Variants in SLC24A4 observed in about 807,000 individuals in gnomAD.
SLC24A4 encodes sodium/potassium/calcium exchanger 4.
Under a neutral mutation model 79.0 loss-of-function variants are expected in SLC24A4, and 53 were observed. The ratio of observed to expected loss-of-function variants is 0.67; its 90% CI spans 0.54 to 0.84. The LOEUF (loss-of-function observed/expected upper bound fraction) is 0.84, where lower values mean the gene tolerates loss of function less well. SLC24A4 is among the 40% of genes least tolerant of loss of function. SLC24A4 has a pLI of 0.00. For missense variants in SLC24A4, 731 were observed against 822.0 expected (o/e 0.89, Z 1.35); for synonymous variants, 323 against 323.8 (o/e 1.00, Z 0.03).
At chr14:92,455,804 G>A (rs995263003) in intron 11 of SLC24A4, among the ~76,000 whole-genome samples, 4 of 151,942 alleles carry the variant, frequency 2.6e-5, no homozygotes, top group African/African-American at 9.7e-5. Context: ...GGGTTCAAGC[G>A]ATTCTCCTGC....
chr14:92,443,294 G>A (rs998951024), intron 6 of SLC24A4, 106 bp from the exon 7 acceptor site: 4 of 1,002,554 alleles, frequency 4.0e-6, no homozygotes, highest in Non-Finnish European at 4.7e-6. Flanking sequence ...TTAGGAGGTG[G>A]AGCTCTGTGG....
intron 2 of SLC24A4, among the ~76,000 whole-genome samples, chr14:92,401,045 C>T (rs1437394088): frequency 1.3e-5 from 2 of 152,132 alleles, no homozygotes; most frequent in East Asian, 1.9e-4. Flanking sequence ...GGAATACACA[C>T]AAGGCACCCA....
intron 12 of SLC24A4, among the ~76,000 whole-genome samples, chr14:92,473,551 C>T (rs538634575): frequency 1.4e-4 from 21 of 152,276 alleles, no homozygotes; most frequent in Non-Finnish European, 2.6e-4. Context: ...TTACAAGTAT[C>T]AAAACTAGCT....
intron 14 of SLC24A4, among the ~76,000 whole-genome samples, chr14:92,488,915 A>C (rs1180989313): frequency 6.6e-6 from 1 of 152,162 alleles, no homozygotes; most frequent in Non-Finnish European, 1.5e-5. Flanking sequence ...AGGATGCTGG[A>C]AGTTTAAGGG....
chr14:92,487,338 G>A (rs1895422958), intron 14 of SLC24A4, among the ~76,000 whole-genome samples: 1 of 152,196 alleles, frequency 6.6e-6, no homozygotes, highest in Admixed American at 6.5e-5. Context: ...TTTTCTGCTA[G>A]CCAGGTAGCA....
At chr14:92,387,831 G>A (rs1213026732) in intron 2 of SLC24A4, among the ~76,000 whole-genome samples, 2 of 152,228 alleles carry the variant, frequency 1.3e-5, no homozygotes, top group East Asian at 1.9e-4. Context: ...TGTGACCAGC[G>A]TATTTCACTT....
intron 2 of SLC24A4, among the ~76,000 whole-genome samples, chr14:92,371,282 C>T (rs1888137259): frequency 1.3e-5 from 2 of 152,208 alleles, no homozygotes; most frequent in South Asian, 4.1e-4. Flanking sequence ...AAACACATCC[C>T]TTTCCTTTTA....
chr14:92,473,678 G>A (rs2139897307), intron 12 of SLC24A4, among the ~76,000 whole-genome samples: 1 of 152,244 alleles, frequency 6.6e-6, no homozygotes. Flanking sequence ...AACATGATCG[G>A]GCAGCCCCTA....
chr14:92,354,057 CCTGGAGCCAGGT>C (rs1224325915), intron 2 of SLC24A4, among the ~76,000 whole-genome samples: 3 of 152,226 alleles, frequency 2.0e-5, no homozygotes, highest in Non-Finnish European at 2.9e-5. Context: ...CCGGTGGAAA[CCTGGAGCCAGGT>C]CTGGGCCCTT....
intron 13 of SLC24A4, among the ~76,000 whole-genome samples, chr14:92,483,339 C>G (rs1436091691): frequency 2.0e-5 from 3 of 152,164 alleles, no homozygotes; most frequent in African/African-American, 7.2e-5. Flanking sequence ...TCATAACAGC[C>G]CCATGGGATG....
rs185519337 is a variant in SLC24A4, at chr14:92,432,830, G to T, written c.242-1082G>T. ...GAAAGCATCATTTTCAGAGCTTAGGGCCCAATTATATTTGCAGAGAAGGGA... is the reference window on the plus strand; with the variant it reads ...GAAAGCATCATTTTCAGAGCTTAGGTCCCAATTATATTTGCAGAGAAGGGA... On this transcript the variant is annotated intron_variant, in intron 2 of 16. Coordinates refer to ENST00000532405, the MANE Select transcript of SLC24A4 (RefSeq NM_153646.4). 2.1e-3 allele frequency among the ~76,000 whole-genome samples: 320 copies of T among 152,188 alleles called. 7 individuals are homozygous for T. The East Asian group carries it at 0.037, about 17-fold the overall frequency.
chr14:92,402,025 G>A (rs1008127943), intron 2 of SLC24A4, among the ~76,000 whole-genome samples: 5 of 152,078 alleles, frequency 3.3e-5, no homozygotes. Flanking sequence ...CTCGATGATG[G>A]GCTCATAAAA....
chr14:92,419,413 G>A (rs1234568424), intron 2 of SLC24A4, among the ~76,000 whole-genome samples: 1 of 152,156 alleles, frequency 6.6e-6, no homozygotes, highest in Non-Finnish European at 1.5e-5. Context: ...CTACCTTCCC[G>A]CAGATGTTCT....
At chr14:92,487,979 C>T (rs113190696) in intron 14 of SLC24A4, among the ~76,000 whole-genome samples, 2,161 of 144,398 alleles carry the variant, frequency 0.015, 44 homozygotes, top group African/African-American at 0.053. Context: ...TCCTCCTGCT[C>T]CTCCTCCTCC....
chr14:92,416,574 C>T (rs1478813448), intron 2 of SLC24A4, among the ~76,000 whole-genome samples: 3 of 152,102 alleles, frequency 2.0e-5, no homozygotes, highest in Non-Finnish European at 4.4e-5. Context: ...CAAAGAGATG[C>T]CTAAGGAAGG....
At chr14:92,330,112 TG>T (rs1411203003) in intron 2 of SLC24A4, among the ~76,000 whole-genome samples, 1 of 151,152 alleles carries the variant, frequency 6.6e-6, no homozygotes, top group Non-Finnish European at 1.5e-5. Context: ...GTGCTCAGCC[TG>T]GGAGCATCAC....
At chr14:92,325,311 A>G (rs1035916822) in intron 1 of SLC24A4, among the ~76,000 whole-genome samples, 3 of 152,212 alleles carry the variant, frequency 2.0e-5, no homozygotes, top group African/African-American at 7.2e-5. Flanking sequence ...CTTGCCCAGT[A>G]TGGCCCCTGG....
rs1428876553 is a variant in SLC24A4, at chr14:92,398,292, G to C, written c.242-35620G>C. On this transcript the variant is annotated intron_variant, in intron 2 of 16. Transcript: ENST00000532405. The surrounding 1 kb of genome is among the most constrained non-coding windows in gnomAD (Gnocchi z 4.1). ...TGCCCTTATCTTCGGAGCAGTAGAG[G>C]TCACCGAGGGCTTCTGAGGGATGGC... Among the ~76,000 whole-genome samples the C allele has an allele frequency of 6.6e-6, 1 of 152,176 alleles. No homozygotes were observed. Among genetic ancestry groups the C allele is most frequent in the African/African-American group, 2.4e-5 (1 of 41,430 alleles).
chr14:92,336,112 C>G (rs1001405733), intron 2 of SLC24A4, among the ~76,000 whole-genome samples: 5 of 152,170 alleles, frequency 3.3e-5, no homozygotes, highest in Admixed American at 6.5e-5. Context: ...GCGTGGCCTA[C>G]CACAATCCAG....
Sources: allele counts gnomAD v4.1 joint callset (sites outside exome capture counted in the v4.1 genomes callset), GRCh38; gene constraint gnomAD v4.1.1; non-coding constraint Gnocchi (gnomAD v3.1); transcripts MANE v1.5; gene names NCBI Gene and HGNC (gene_info 2026-07-23, HGNC 2026-07-21).